Variants in CLNK observed in about 807,000 individuals in gnomAD.
CLNK encodes the protein cytokine-dependent hematopoietic cell linker.
CLNK carries 74 observed loss-of-function variants against 68.6 expected under a neutral mutation model. The observed-to-expected ratio is 1.08, with a 90% CI of 0.89 to 1.31. The LOEUF (loss-of-function observed/expected upper bound fraction) is 1.31. CLNK is among the 50% of genes most tolerant of loss of function. The pLI is 0.00. For synonymous variants in CLNK, 198 were observed against 172.2 expected (o/e 1.15, Z -1.17); for missense variants, 553 against 515.3 (o/e 1.07, Z -0.71).
chr4:10,676,898 T>C (rs1724897078), intron 1 of CLNK, among the ~76,000 whole-genome samples: 1 of 152,054 alleles, frequency 6.6e-6, no homozygotes. Flanking sequence ...AGTGAGATTG[T>C]AGAAAAATAG....
Position 10,566,085 on chromosome 4 carries a change from A to T in CLNK, c.216T>A (p.Pro72=). The change falls in exon 6 of 19, where the codon CCT becomes CCA. Residue 72 remains proline (P), a synonymous_variant. Coordinates refer to ENST00000226951, the MANE Select transcript of CLNK (RefSeq NM_052964.4). ...KGHSDDDYDD[P]ELRMEETWQS... is the part of the protein sequence containing the mutation. ...GCCATGTCTCTTCCATCCGAAGCTC[A>T]GGGTCATCATAGTCATCATCACTGT... 1 of 1,613,892 alleles carries T rather than the reference A, an allele frequency of 6.2e-7. No homozygotes were observed. Among genetic ancestry groups the T allele is most frequent in the Non-Finnish European group, 8.5e-7 (1 of 1,179,840 alleles).
intron 2 of CLNK, among the ~76,000 whole-genome samples, chr4:10,654,821 G>C (rs916519365): frequency 6.6e-6 from 1 of 151,982 alleles, no homozygotes; most frequent in Non-Finnish European, 1.5e-5. Context: ...ATGATTTCTC[G>C]GCCAGGCGTG....
chr4:10,648,976 A>T lies in CLNK; in HGVS notation c.11+18883T>A, dbSNP rs116720584. Among the ~76,000 whole-genome samples the T allele has an allele frequency of 1.9e-3, 285 of 152,278 alleles. 1 individual carries two copies. The highest frequency in any genetic ancestry group is 6.5e-3 in the African/African-American group (269 of 41,566). The stretch of plus-strand genomic sequence containing the variant: ...TGAATCCTTTATCTCTGAAGATTAA[A>T]TCTATTGAGATAATGTATTTGAATA... On this transcript the variant is annotated intron_variant, in intron 2 of 18. Transcript: ENST00000226951.
rs201145337 is a variant in CLNK, at chr4:10,598,015, C to T, written c.46G>A (p.Asp16Asn). The T allele has an allele frequency of 1.9e-3, 2,984 of 1,589,434 alleles. 15 individuals carry two copies. In the Middle Eastern group the frequency reaches 0.029, roughly 15 times the overall value. ...AGACTGAAGTTCTGGAATTTCAAAT[C>T]GTTGGATCCTTCTTTAGTTGTCTTT... ...NRKTTKEGSNDLKFQNFSLPK... is the reference protein window; with the variant it reads ...NRKTTKEGSNNLKFQNFSLPK... Residue 16 changes from aspartate (D) to asparagine (N), a missense_variant, in exon 3 of 19, where the codon GAT (aspartate) becomes AAT (asparagine). Coordinates refer to ENST00000226951, the MANE Select transcript of CLNK (RefSeq NM_052964.4).
At chr4:10,701,408 T>C in the CLNK span, among the ~76,000 whole-genome samples, 2 of 152,358 alleles carry the variant, frequency 1.3e-5, no homozygotes, top group African/African-American at 4.8e-5. Context: ...CCAGCATTAT[T>C]TGCTGCTACT....
intron 4 of CLNK, among the ~76,000 whole-genome samples, chr4:10,572,589 AT>A (rs1720395222): frequency 2.0e-5 from 3 of 152,230 alleles, no homozygotes; most frequent in Admixed American, 1.3e-4. Flanking sequence ...CCTTTTTTAA[AT>A]TAAATTCTCT....
intron 2 of CLNK, among the ~76,000 whole-genome samples, chr4:10,639,313 C>T (rs1346879921): frequency 6.6e-6 from 1 of 152,236 alleles, no homozygotes; most frequent in Non-Finnish European, 1.5e-5. Context: ...AGCACTGACA[C>T]AATGAATAAT....
chr4:10,661,305 A>T (rs760916307), intron 2 of CLNK, among the ~76,000 whole-genome samples: 2 of 152,182 alleles, frequency 1.3e-5, no homozygotes, highest in Non-Finnish European at 2.9e-5. Flanking sequence ...ACACATCACC[A>T]CCTAGGAACT....
intron 8 of CLNK, among the ~76,000 whole-genome samples, chr4:10,550,285 A>G (rs1577122876): frequency 6.6e-6 from 1 of 152,134 alleles, no homozygotes; most frequent in African/African-American, 2.4e-5. Context: ...CGAGGTCGGG[A>G]GATCGAGACC....
At chr4:10,610,059 TTTTTTTTTTTTTTTTG>T (rs1384376524) in intron 2 of CLNK, among the ~76,000 whole-genome samples, 38 of 98,658 alleles carry the variant, frequency 3.9e-4, no homozygotes, top group South Asian at 1.3e-3. Context: ...TTTTTTTTTT[TTTTTTTTTTTTTTTTG>T]AGACGGAGTC....
chr4:10,718,559 G>A, the CLNK span, among the ~76,000 whole-genome samples: 1 of 150,366 alleles, frequency 6.7e-6, no homozygotes, highest in Non-Finnish European at 1.5e-5. Context: ...TATCTTTCAG[G>A]AATGAAGGAG....
chr4:10,502,132 T>C (rs1301070227), intron 17 of CLNK, among the ~76,000 whole-genome samples: 1 of 152,196 alleles, frequency 6.6e-6, no homozygotes, highest in African/African-American at 2.4e-5. Context: ...TTTTGCATGA[T>C]GTATTAGTCT....
chr4:10,537,706 C>CCTTCCTTCCTTCCTTT (rs1553848181), intron 11 of CLNK, among the ~76,000 whole-genome samples: 1 of 13,374 alleles, frequency 7.5e-5, no homozygotes, highest in Non-Finnish European at 1.5e-4. Context: ...TTCCTTCCTT[C>CCTTCCTTCCTTCCTTT]CTTTCTTTCT....
chr4:10,622,295 A>T (rs1411457502), intron 2 of CLNK, among the ~76,000 whole-genome samples: 1 of 151,992 alleles, frequency 6.6e-6, no homozygotes, highest in Non-Finnish European at 1.5e-5. Context: ...TAAAGGAGGG[A>T]CTCTGGGAGG....
intron 4 of CLNK, among the ~76,000 whole-genome samples, chr4:10,581,222 A>G (rs987415363): frequency 1.3e-5 from 2 of 152,210 alleles, no homozygotes; most frequent in East Asian, 3.9e-4. Flanking sequence ...GTGTAAGTAC[A>G]TTCTATGACG....
intron 2 of CLNK, among the ~76,000 whole-genome samples, chr4:10,661,156 G>A (rs1724177956): frequency 6.6e-6 from 1 of 152,146 alleles, no homozygotes; most frequent in African/African-American, 2.4e-5. Context: ...TCGAAAGCAG[G>A]GGTTGTTCAC....
chr4:10,503,262 A>G (rs1717130058), intron 17 of CLNK, among the ~76,000 whole-genome samples: 1 of 151,974 alleles, frequency 6.6e-6, no homozygotes, highest in Admixed American at 6.6e-5. Context: ...GGAGTTCGAG[A>G]CTTAGCCCGG....
chr4:10,529,461 G>A (rs1203449349), intron 12 of CLNK, among the ~76,000 whole-genome samples: 1 of 152,118 alleles, frequency 6.6e-6, no homozygotes. Context: ...AGAAACTTTT[G>A]GCAACAAATT....
At chr4:10,529,927 A>G (rs1321827578) in intron 12 of CLNK, among the ~76,000 whole-genome samples, 1 of 152,236 alleles carries the variant, frequency 6.6e-6, no homozygotes, top group Non-Finnish European at 1.5e-5. Context: ...TTGTTAGAAA[A>G]TAAACATAGT....
Sources: allele counts gnomAD v4.1 joint callset (sites outside exome capture counted in the v4.1 genomes callset), GRCh38; gene constraint gnomAD v4.1.1; transcripts MANE v1.5; gene names NCBI Gene and HGNC (gene_info 2026-07-23, HGNC 2026-07-21).